ELF4: variants seen among roughly 807,000 people sequenced by gnomAD.
ELF4 encodes the protein ETS-related transcription factor Elf-4.
In ELF4, 10 loss-of-function variants were observed where a neutral mutation model predicts 31.7. The observed-to-expected ratio is 0.32, with a 90% CI of 0.19 to 0.54. The LOEUF (loss-of-function observed/expected upper bound fraction) is 0.54. Ranked by LOEUF, ELF4 falls within the 20% of genes least tolerant of loss-of-function variation. ELF4 has a pLI of 0.95. For synonymous variants in ELF4, 208 were observed against 226.7 expected (o/e 0.92, Z 0.74); for missense variants, 418 against 522.0 (o/e 0.80, Z 1.94).
intron 1 of ELF4, among the ~76,000 whole-genome samples, chrX:130,092,364 G>A (rs758338941): frequency 5.3e-5 from 6 of 113,136 alleles, no homozygotes; most frequent in Non-Finnish European, 1.1e-4. Flanking sequence ...AGTGCAGAGA[G>A]GGAAGGGCCC....
At position 130,064,101 on chromosome X, in the gene ELF4, C is replaced by T. The variant is rs907211995; in HGVS notation, c.*2620G>A. On this transcript the variant is annotated 3_prime_UTR_variant, in exon 9 of 9. Transcript: ENST00000308167. ...TGGTGGTTTGCTGCACCCATCAACC[C>T]GTCATCTTGGAAAGGTTTTTTGTGA... Among the ~76,000 whole-genome samples the T allele has an allele frequency of 1.3e-3, 145 of 109,191 alleles. No individual in the cohort carries two copies. The highest frequency in any genetic ancestry group is 4.6e-3 in the African/African-American group (138 of 30,025). The allele number at this position is 109,191 out of a possible 115,157, so 94.8% of individuals were successfully genotyped here.
At chrX:130,102,876 G>GAAAGAATGAAAGAA (rs761623746) in intron 1 of ELF4, among the ~76,000 whole-genome samples, 1 of 56,706 alleles carries the variant, frequency 1.8e-5, no homozygotes, top group African/African-American at 8.8e-5. Flanking sequence ...GAGAGAGAGA[G>GAAAGAATGAAAGAA]AGAGAGAGAG....
At chrX:130,070,702 G>C (rs1399383807) in intron 7 of ELF4, among the ~76,000 whole-genome samples, 2 of 102,809 alleles carry the variant, frequency 1.9e-5, no homozygotes, top group African/African-American at 7.0e-5. Flanking sequence ...AACCCAGGCA[G>C]TGCAGGTTGC....
chrX:130,071,718 T>G (rs1006680195), intron 5 of ELF4, among the ~76,000 whole-genome samples: 1 of 112,633 alleles, frequency 8.9e-6, no homozygotes, highest in Non-Finnish European at 1.9e-5. Context: ...AAGGCACCAG[T>G]GTTGTGCAGG....
At chrX:130,087,732 T>C (rs1932983863) in intron 1 of ELF4, among the ~76,000 whole-genome samples, 1 of 112,061 alleles carries the variant, frequency 8.9e-6, no homozygotes, top group African/African-American at 3.2e-5. Flanking sequence ...CCTCCCGAAG[T>C]GCTGGGATTA....
At chrX:130,080,745 C>G (rs1466499265) in intron 2 of ELF4, among the ~76,000 whole-genome samples, 1 of 111,867 alleles carries the variant, frequency 8.9e-6, no homozygotes, top group Non-Finnish European at 1.9e-5. Context: ...GACCTCATTT[C>G]CAGCTTGTCC....
chrX:130,091,738 G>T (rs1471809271), intron 1 of ELF4, among the ~76,000 whole-genome samples: 1 of 111,761 alleles, frequency 8.9e-6, no homozygotes, highest in African/African-American at 3.3e-5. Context: ...TGCCCATGAT[G>T]TGACCTCGAG....
At chrX:130,088,541 G>A (rs1050235522) in intron 1 of ELF4, among the ~76,000 whole-genome samples, 1 of 111,411 alleles carries the variant, frequency 9.0e-6, no homozygotes, top group Non-Finnish European at 1.9e-5. Context: ...GCAAAAGCCC[G>A]TCTCTACTAT....
chrX:130,079,039 G>A (rs1932863216), intron 2 of ELF4, among the ~76,000 whole-genome samples: 1 of 111,320 alleles, frequency 9.0e-6, no homozygotes, highest in Non-Finnish European at 1.9e-5. Flanking sequence ...CTGGGGGGAA[G>A]AAAGGAACTA....
chrX:130,068,367 TC>T (rs1427961100), intron 8 of ELF4, among the ~76,000 whole-genome samples: 1 of 111,892 alleles, frequency 8.9e-6, no homozygotes, highest in Non-Finnish European at 1.9e-5. Context: ...TTGATGTGAG[TC>T]CCCGCTCTAG....
Position 130,083,832 on chromosome X carries a change from CTGGATGGATGGATGGA to C in ELF4, c.-209-2309_-209-2294del, listed in dbSNP as rs773641555. ...GGTGGGTGGATGGCTGGATGGATGG[CTGGATGGATGGATGGA>C]TGGATGGATGGATGGATGGATGGAT... On this transcript the variant is annotated intron_variant, in intron 1 of 8. Coordinates refer to ENST00000308167, the MANE Select transcript of ELF4 (RefSeq NM_001421.4). 2.1e-4 allele frequency among the ~76,000 whole-genome samples: 22 copies of C among 103,186 alleles called. 1 individual carries two copies. The highest frequency in any genetic ancestry group is 9.0e-3 in the Middle Eastern group (2 of 222). 89.6% of individuals were successfully genotyped at this position (103,186 alleles called of 115,157 possible). A position where few individuals can be genotyped will look rare whatever the true frequency, so the allele number is the denominator to read the frequency against.
At chrX:130,109,030 C>T (rs1194935616) in intron 1 of ELF4, among the ~76,000 whole-genome samples, 9 of 112,867 alleles carry the variant, frequency 8.0e-5, no homozygotes, top group Non-Finnish European at 1.5e-4. Flanking sequence ...ACCAGGAAAA[C>T]CCAGTGTAAC....
chrX:130,069,264 C>T, intron 8 of ELF4, 36 bp downstream of exon 8: 1 of 1,195,379 alleles, frequency 8.4e-7, no homozygotes, highest in Non-Finnish European at 1.1e-6. Flanking sequence ...ACATGATGTA[C>T]TATGTGAAGA....
intron 1 of ELF4, among the ~76,000 whole-genome samples, chrX:130,091,753 T>C (rs1484134099): frequency 9.0e-6 from 1 of 111,616 alleles, no homozygotes; most frequent in Non-Finnish European, 1.9e-5. Flanking sequence ...CTCGAGCAGG[T>C]CACTTCTGCT....
At position 130,070,787 on chromosome X, in the gene ELF4, A is replaced by AAAAGAAAG. The variant is rs3077208; in HGVS notation, c.809+245_809+252dup. Reference sequence around the variant, plus strand: ...ACTCCATCTCAAAAAAAAAAAAAAAAAAAGAAAGAAAGAAAGAAAGAAAGA... The same window carrying AAAAGAAAG: ...ACTCCATCTCAAAAAAAAAAAAAAAAAAAGAAAGAAAGAAAGAAAGAAAGAAAGAAAGA... On this transcript the variant is annotated intron_variant, in intron 7 of 8. Transcript: ENST00000308167. Among the ~76,000 whole-genome samples the AAAAGAAAG allele has an allele frequency of 4.0e-3, 369 of 92,698 alleles. 2 individuals carry two copies. Among genetic ancestry groups the AAAAGAAAG allele is most frequent in the East Asian group, 0.012 (35 of 2,826 alleles). 80.5% of individuals were successfully genotyped at this position (92,698 alleles called of 115,157 possible).
Position 130,067,374 on chromosome X carries a change from C to T in ELF4, c.1339G>A (p.Val447Ile), listed in dbSNP as rs1367345293. ...TAPTQLVLQS[V>I]PAASTFKDTF... ...TCCTTGAAAGTAGAGGCCGCTGGAA[C>T]ACTCTGGAGAACGAGCTGAGTGGGA... is the stretch of plus-strand genomic sequence containing the variant. Residue 447 changes from valine (V) to isoleucine (I), a missense_variant, in exon 9 of 9, where the codon GTT (valine) becomes ATT (isoleucine). Around this residue, in one of 4 missense-constraint regions of ELF4, gnomAD observed 260 missense variants for 269.2 expected, o/e 0.97. Coordinates refer to ENST00000308167, the MANE Select transcript of ELF4 (RefSeq NM_001421.4). 4 of 1,212,081 alleles carry T rather than the reference C, an allele frequency of 3.3e-6. No homozygotes were observed. Among genetic ancestry groups the T allele is most frequent in the African/African-American group, 1.7e-5 (1 of 57,878 alleles).
intron 1 of ELF4, among the ~76,000 whole-genome samples, chrX:130,102,659 A>T (rs1933283598): frequency 1.8e-5 from 2 of 108,238 alleles, no homozygotes; most frequent in African/African-American, 6.8e-5. Flanking sequence ...ACAAAAAAAA[A>T]ATTTAAAATT....
chrX:130,071,207 G>A lies in ELF4; in HGVS notation c.642C>T (p.Phe214=). ...TTCTGTCTTGCAGAAGAGCCAGGAGGAACTCCCACAGATAGATGGTGCTGC... is the reference window on the plus strand; with the variant it reads ...TTCTGTCTTGCAGAAGAGCCAGGAGAAACTCCCACAGATAGATGGTGCTGC... The part of the protein sequence containing the change: ...GKGSTIYLWE[F]LLALLQDRNT... Residue 214 remains phenylalanine, a synonymous_variant, in exon 7 of 9, where the codon TTC becomes TTT. Coordinates refer to ENST00000308167, the MANE Select transcript of ELF4 (RefSeq NM_001421.4). 12 of 1,211,614 alleles carry A rather than the reference G, an allele frequency of 9.9e-6. No individual in the cohort carries two copies. Among genetic ancestry groups the A allele is most frequent in the Non-Finnish European group, 1.2e-5 (11 of 895,538 alleles).
At chrX:130,073,919 A>T in intron 4 of ELF4, 130 bp downstream of exon 4, 2 of 636,990 alleles carry the variant, frequency 3.1e-6, no homozygotes. Context: ...TAAAAGTCAT[A>T]TGTATATCGG....
Sources: allele counts gnomAD v4.1 joint callset (sites outside exome capture counted in the v4.1 genomes callset), GRCh38; gene constraint gnomAD v4.1.1; regional missense constraint gnomAD v4.1.1; transcripts MANE v1.5; gene names NCBI Gene and HGNC (gene_info 2026-07-23, HGNC 2026-07-21).